Variants in GPC6 observed in about 807,000 individuals in gnomAD.
The protein encoded by GPC6 is glypican 6.
Under a neutral mutation model 55.2 loss-of-function variants are expected in GPC6, and 14 were observed. That is an observed-to-expected ratio of 0.25 (90% confidence interval 0.17 to 0.40). The LOEUF (loss-of-function observed/expected upper bound fraction) is 0.40, where lower values mean the gene tolerates loss of function less well. Ranked by LOEUF, GPC6 falls within the 10% of genes least tolerant of loss-of-function variation. GPC6 has a pLI of 1.00. For missense variants in GPC6, 641 were observed against 708.5 expected, an observed-to-expected ratio of 0.90 and a Z score of 1.08; for synonymous variants, 278 against 259.6, an observed-to-expected ratio of 1.07 and a Z score of -0.68.
At chr13:93,399,770 G>A (rs1876002047) in intron 1 of GPC6, among the ~76,000 whole-genome samples, 1 of 152,290 alleles carries the variant, frequency 6.6e-6, no homozygotes, top group Non-Finnish European at 1.5e-5. Flanking sequence ...TGTACACATG[G>A]CCTCCTGCCC....
At chr13:94,158,619 A>G (rs1205908868) in intron 4 of GPC6, among the ~76,000 whole-genome samples, 1 of 152,180 alleles carries the variant, frequency 6.6e-6, no homozygotes, top group African/African-American at 2.4e-5. Flanking sequence ...AGAGCAAGTA[A>G]TTAGGATGTA....
At chr13:93,412,672 A>G (rs1022116428) in intron 1 of GPC6, among the ~76,000 whole-genome samples, 1 of 152,152 alleles carries the variant, frequency 6.6e-6, no homozygotes, top group African/African-American at 2.4e-5. Context: ...CAAACAAACA[A>G]ATAAATCCAG....
chr13:93,596,332 C>T (rs1877727441), intron 2 of GPC6, among the ~76,000 whole-genome samples: 2 of 152,014 alleles, frequency 1.3e-5, no homozygotes, highest in South Asian at 4.2e-4. Context: ...GAATAAGGAC[C>T]AAGGAGGTGA....
At chr13:93,899,500 G>C (rs1462416376) in intron 3 of GPC6, among the ~76,000 whole-genome samples, 2 of 151,812 alleles carry the variant, frequency 1.3e-5, no homozygotes, top group Admixed American at 6.6e-5. Context: ...AGTGAAACTT[G>C]AGTCTGGTAT....
chr13:93,893,524 C>T (rs1327631966), intron 3 of GPC6, among the ~76,000 whole-genome samples: 2 of 152,142 alleles, frequency 1.3e-5, no homozygotes, highest in Non-Finnish European at 2.9e-5. Flanking sequence ...ACATGAGCCA[C>T]GTGCCAGCCA....
intron 3 of GPC6, among the ~76,000 whole-genome samples, chr13:93,924,384 T>G (rs1433455585): frequency 1.3e-5 from 2 of 152,218 alleles, no homozygotes; most frequent in Non-Finnish European, 2.9e-5. Context: ...CGTTTTCTCC[T>G]CCATCAAAGC....
At position 93,929,070 on chromosome 13, in the gene GPC6, C is replaced by T. The variant is rs149258051; in HGVS notation, c.711+98525C>T. 1.1e-3 allele frequency among the ~76,000 whole-genome samples: 175 copies of T among 152,240 alleles called. 1 individual carries two copies. The highest frequency in any genetic ancestry group is 3.9e-3 in the African/African-American group (164 of 41,542). On this transcript the variant is annotated intron_variant, in intron 3 of 8. Coordinates refer to ENST00000377047, the MANE Select transcript of GPC6 (RefSeq NM_005708.5). Reference sequence around the variant, plus strand: ...GTGGAGTGTGCTTGTCATTGACAATCTCATCACCCCTGGATACTTCAAAAA... The same window carrying T: ...GTGGAGTGTGCTTGTCATTGACAATTTCATCACCCCTGGATACTTCAAAAA...
intron 7 of GPC6, among the ~76,000 whole-genome samples, chr13:94,392,865 G>A (rs868458159): frequency 2.6e-5 from 4 of 151,458 alleles, no homozygotes; most frequent in Admixed American, 6.6e-5. Context: ...CACCCTCCTC[G>A]GCCTCCCAAA....
At chr13:93,524,710 C>T (rs1009565384) in intron 1 of GPC6, among the ~76,000 whole-genome samples, 1 of 152,078 alleles carries the variant, frequency 6.6e-6, no homozygotes, top group African/African-American at 2.4e-5. Flanking sequence ...ATGTTTGAAG[C>T]TGGAAGATAG....
chr13:93,533,730 T>C (rs1255992717), intron 1 of GPC6, among the ~76,000 whole-genome samples: 1 of 152,118 alleles, frequency 6.6e-6, no homozygotes, highest in Admixed American at 6.6e-5. Flanking sequence ...TTACACATTC[T>C]AATCTTCCTG....
At chr13:93,829,801 A>G (rs1013295015) in intron 2 of GPC6, among the ~76,000 whole-genome samples, 5 of 152,212 alleles carry the variant, frequency 3.3e-5, no homozygotes, top group African/African-American at 1.2e-4. Context: ...AAACAACAAT[A>G]CTCTGCACGT....
chr13:93,757,947 G>A (rs550352426), intron 2 of GPC6, among the ~76,000 whole-genome samples: 21 of 152,078 alleles, frequency 1.4e-4, no homozygotes, highest in Non-Finnish European at 2.8e-4. Context: ...AATCTCCAAG[G>A]CCCCCTCCAG....
chr13:93,839,653 C>A (rs1887877817), intron 3 of GPC6, among the ~76,000 whole-genome samples: 1 of 152,094 alleles, frequency 6.6e-6, no homozygotes, highest in South Asian at 2.1e-4. Context: ...GTATGTGATA[C>A]CATGGGCCCA....
chr13:94,047,301 G>A (rs902189813), intron 4 of GPC6, among the ~76,000 whole-genome samples: 2 of 151,964 alleles, frequency 1.3e-5, no homozygotes, highest in African/African-American at 2.4e-5. Flanking sequence ...GCTCTGAGAC[G>A]GGATGAGTGG....
At chr13:93,641,172 T>A (rs1879918101) in intron 2 of GPC6, among the ~76,000 whole-genome samples, 1 of 151,898 alleles carries the variant, frequency 6.6e-6, no homozygotes, top group African/African-American at 2.4e-5. Flanking sequence ...CATGCTTTTT[T>A]CAGAAAAAAA....
At chr13:94,102,951 T>C (rs1204987560) in intron 4 of GPC6, among the ~76,000 whole-genome samples, 1 of 152,188 alleles carries the variant, frequency 6.6e-6, no homozygotes, top group Non-Finnish European at 1.5e-5. Context: ...GTTTGTTACA[T>C]ATGTATACAT....
At position 94,062,684 on chromosome 13, in the gene GPC6, A is replaced by T. The variant is rs148567477; in HGVS notation, c.877+34790A>T. Among the ~76,000 whole-genome samples the T allele has an allele frequency of 3.3e-3, 505 of 152,116 alleles. 6 individuals carry two copies. Among genetic ancestry groups the T allele is most frequent in the African/African-American group, 0.012 (492 of 41,574 alleles). ...TAAGGCTAAATTGTTTATGGAAGAC[A>T]CACATTCTTCAACACATATATTGAC... On this transcript the variant is annotated intron_variant, in intron 4 of 8. Transcript: ENST00000377047.
chr13:93,680,844 C>G (rs1379597387), intron 2 of GPC6, among the ~76,000 whole-genome samples: 1 of 152,048 alleles, frequency 6.6e-6, no homozygotes, highest in African/African-American at 2.4e-5. Context: ...GAGAGTCTTT[C>G]TATAGGAAAC....
chr13:93,260,994 C>A (rs1449669145), intron 1 of GPC6, among the ~76,000 whole-genome samples: 1 of 152,084 alleles, frequency 6.6e-6, no homozygotes, highest in Non-Finnish European at 1.5e-5. Flanking sequence ...GGGTCAGACA[C>A]CTTTCCTAAA....
Sources: gnomAD v4.1 joint callset for allele counts (sites outside exome capture counted in the v4.1 genomes callset) on GRCh38, gnomAD v4.1.1 for gene constraint, MANE v1.5 for transcripts, NCBI Gene and HGNC (gene_info 2026-07-23, HGNC 2026-07-21) for gene names.